MRTFB: variants seen among roughly 807,000 people sequenced by gnomAD.
MRTFB encodes the protein myocardin related transcription factor B, also known as myocardin-related transcription factor B.
Under a neutral mutation model 104.2 loss-of-function variants are expected in MRTFB, and 29 were observed. The observed-to-expected ratio is 0.28, with a 90% confidence interval of 0.21 to 0.38. MRTFB has a LOEUF of 0.38. Among genes scored for constraint, MRTFB ranks in the 10% least tolerant of loss-of-function variants. The probability of loss-of-function intolerance (pLI) is 1.00; values close to 1 mark genes in which losing one functional copy is unlikely to be tolerated. For missense variants in MRTFB, 1,270 were observed against 1,341.6 expected, an observed-to-expected ratio of 0.95 and a Z score of 0.83; for synonymous variants, 535 against 519.5, an observed-to-expected ratio of 1.03 and a Z score of -0.41.
intron 2 of MRTFB, among the ~76,000 whole-genome samples, chr16:14,096,593 C>G (rs909747718): frequency 3.9e-5 from 6 of 152,124 alleles, no homozygotes; most frequent in Non-Finnish European, 8.8e-5. Context: ...GTAAAATAGC[C>G]TACATATTGT....
At chr16:14,007,384 T>G in the MRTFB span, among the ~76,000 whole-genome samples, 5 of 152,208 alleles carry the variant, frequency 3.3e-5, no homozygotes, top group Non-Finnish European at 5.9e-5. Flanking sequence ...TGCTTTTAAG[T>G]TCCCCCATGT....
At chr16:14,134,918 G>T (rs551675928) in intron 2 of MRTFB, among the ~76,000 whole-genome samples, 1 of 152,274 alleles carries the variant, frequency 6.6e-6, no homozygotes, top group African/African-American at 2.4e-5. Context: ...ACCCAGAGAG[G>T]GGTCATTAAG....
chr16:14,063,643 A>G, the MRTFB span, among the ~76,000 whole-genome samples: 1 of 152,174 alleles, frequency 6.6e-6, no homozygotes, highest in African/African-American at 2.4e-5. Flanking sequence ...ACTTAGGACA[A>G]TGGCATCCAG....
At chr16:14,244,099 C>T (rs557118987) in intron 10 of MRTFB, among the ~76,000 whole-genome samples, 2 of 152,216 alleles carry the variant, frequency 1.3e-5, no homozygotes, top group African/African-American at 2.4e-5. Context: ...AGGATGGTCT[C>T]GATCTCCTGA....
chr16:13,998,921 G>A, the MRTFB span, among the ~76,000 whole-genome samples: 1 of 130,138 alleles, frequency 7.7e-6, no homozygotes, highest in African/African-American at 2.9e-5. Flanking sequence ...GGCCGGTCAT[G>A]GGGGCTCACA....
chr16:14,157,651 A>G (rs1200089396), intron 3 of MRTFB, among the ~76,000 whole-genome samples: 3 of 152,218 alleles, frequency 2.0e-5, no homozygotes, highest in Admixed American at 2.0e-4. Context: ...AACTGGCCAC[A>G]GAGATGGAGA....
the MRTFB span, among the ~76,000 whole-genome samples, chr16:14,023,641 ATACATATACATAT>A: frequency 7.2e-6 from 1 of 138,690 alleles, no homozygotes; most frequent in African/African-American, 2.6e-5. Flanking sequence ...ACATATACAT[ATACATATACATAT>A]TTATGTGTGT....
chr16:14,240,790 A>C, intron 10 of MRTFB: 1 of 757,072 alleles, frequency 1.3e-6, no homozygotes, highest in South Asian at 1.4e-5. Flanking sequence ...CTCTGAGAAA[A>C]GCGTAAGTAG....
At chr16:14,057,932 C>T in the MRTFB span, among the ~76,000 whole-genome samples, 1 of 152,216 alleles carries the variant, frequency 6.6e-6, no homozygotes, top group Admixed American at 6.5e-5. Context: ...GGCCCACGGG[C>T]CTGTTTGGGA....
intron 3 of MRTFB, among the ~76,000 whole-genome samples, chr16:14,156,171 T>A (rs192807323): frequency 6.6e-6 from 1 of 152,354 alleles, no homozygotes; most frequent in African/African-American, 2.4e-5. Flanking sequence ...AATTGTTTCA[T>A]GTATTTTGCC....
At chr16:14,213,770 A>G in intron 6 of MRTFB, 150 bp downstream of exon 6, 2 of 559,582 alleles carry the variant, frequency 3.6e-6, no homozygotes, top group South Asian at 2.7e-5. Context: ...ACCCAAAACT[A>G]AAACATGTTA....
At chr16:14,234,006 G>C in intron 8 of MRTFB, 140 bp from the exon 9 acceptor site, 1 of 983,824 alleles carries the variant, frequency 1.0e-6, no homozygotes, top group Non-Finnish European at 1.5e-6. Context: ...CCACCATCTG[G>C]CCTCAGACAT....
At chr16:14,250,767 G>C (rs1461577933) in intron 13 of MRTFB, among the ~76,000 whole-genome samples, 1 of 152,230 alleles carries the variant, frequency 6.6e-6, no homozygotes, top group African/African-American at 2.4e-5. Context: ...CCCTGTGATA[G>C]ATAGTGAAGG....
chr16:14,064,952 G>A, the MRTFB span, among the ~76,000 whole-genome samples: 2 of 152,220 alleles, frequency 1.3e-5, no homozygotes, highest in East Asian at 3.9e-4. Context: ...TTCTTTTTTG[G>A]TTCCGTGTGA....
chr16:14,075,044 C>T (rs2033953093), intron 1 of MRTFB, among the ~76,000 whole-genome samples: 1 of 152,138 alleles, frequency 6.6e-6, no homozygotes, highest in African/African-American at 2.4e-5. Flanking sequence ...TCTGGAAGAT[C>T]CACTTATAAA....
At chr16:14,092,955 T>C (rs1334229806) in intron 2 of MRTFB, 3 of 152,264 alleles carry the variant, frequency 2.0e-5, no homozygotes, top group Non-Finnish European at 4.4e-5. Flanking sequence ...TTTCATCTTT[T>C]ATATAAAAAT....
At chr16:14,130,290 A>G (rs539612562) in intron 2 of MRTFB, among the ~76,000 whole-genome samples, 1 of 152,216 alleles carries the variant, frequency 6.6e-6, no homozygotes, top group Non-Finnish European at 1.5e-5. Flanking sequence ...GTCTAAAATA[A>G]ACACTTCTCT....
chr16:13,997,870 A>T, the MRTFB span, among the ~76,000 whole-genome samples: 1 of 152,106 alleles, frequency 6.6e-6, no homozygotes, highest in Non-Finnish European at 1.5e-5. Flanking sequence ...CTAGACACAG[A>T]ACCAGGAACC....
intron 8 of MRTFB, among the ~76,000 whole-genome samples, chr16:14,227,289 A>C (rs7499825): frequency 0.74 from 111,690 of 150,086 alleles, 44,581 homozygotes; most frequent in Non-Finnish European, 0.89. Flanking sequence ...AAAAAACAAA[A>C]ACAAAACAAA....
Sources: allele counts gnomAD v4.1 joint callset (sites outside exome capture counted in the v4.1 genomes callset), GRCh38; gene constraint gnomAD v4.1.1; transcripts MANE v1.5; gene names NCBI Gene and HGNC (gene_info 2026-07-23, HGNC 2026-07-21).